Variants in DMD observed in about 807,000 individuals in gnomAD.
The protein encoded by DMD is mutant dystrophin.
A neutral mutation model predicts 330.1 loss-of-function variants in DMD; 63 were observed. The ratio of observed to expected loss-of-function variants is 0.19; its 90% CI spans 0.16 to 0.24. DMD has a LOEUF of 0.24. Ranked by LOEUF, DMD falls within the 10% of genes least tolerant of loss-of-function variation. DMD has a pLI of 1.00. For missense variants in DMD, 3,344 were observed against 2,684.1 expected (o/e 1.25, Z -5.43); for synonymous variants, 1,223 against 959.8 (o/e 1.27, Z -5.07).
At chrX:31,218,221 C>CT (rs138180556) in intron 64 of DMD, among the ~76,000 whole-genome samples, 29,627 of 97,517 alleles carry the variant, frequency 0.3, 3,832 homozygotes, top group Non-Finnish European at 0.39. Flanking sequence ...TTCTGGGTTT[C>CT]TTTTTTTTTT....
At chrX:32,662,750 A>G (rs758327022) in intron 9 of DMD, among the ~76,000 whole-genome samples, 2 of 111,946 alleles carry the variant, frequency 1.8e-5, no homozygotes, top group East Asian at 5.6e-4. Flanking sequence ...GTTAAGGCAA[A>G]GGATGGAAAG....
intron 47 of DMD, among the ~76,000 whole-genome samples, chrX:31,881,711 G>C (rs1237405594): frequency 8.9e-6 from 1 of 112,271 alleles, no homozygotes; most frequent in African/African-American, 3.2e-5. Flanking sequence ...ATGCAGTACA[G>C]GTTTGTAGCC....
chrX:31,189,424 A>G (rs1397323304), intron 67 of DMD, among the ~76,000 whole-genome samples: 1 of 111,476 alleles, frequency 9.0e-6, no homozygotes, highest in Non-Finnish European at 1.9e-5. Context: ...GCATATCCGC[A>G]GGTTTCACAT....
chrX:32,423,453 T>A (rs1645862555), intron 29 of DMD, among the ~76,000 whole-genome samples: 1 of 110,497 alleles, frequency 9.1e-6, no homozygotes, highest in Admixed American at 9.7e-5. Flanking sequence ...TACATGATTA[T>A]ATGTATACAT....
intron 51 of DMD, among the ~76,000 whole-genome samples, chrX:31,738,601 T>C (rs2087050665): frequency 8.9e-6 from 1 of 111,954 alleles, no homozygotes; most frequent in East Asian, 2.8e-4. Flanking sequence ...AATAAATCAG[T>C]ATATTGAAGA....
chrX:32,580,670 T>C (rs1277963625), intron 13 of DMD, among the ~76,000 whole-genome samples: 1 of 112,058 alleles, frequency 8.9e-6, no homozygotes, highest in African/African-American at 3.2e-5. Flanking sequence ...CATGATAGAA[T>C]TTTAATATAG....
chrX:32,389,955 A>G, intron 31 of DMD, 116 bp downstream of exon 31: 2 of 617,461 alleles, frequency 3.2e-6, no homozygotes, highest in Non-Finnish European at 5.3e-6. Context: ...ACATCAAATT[A>G]TAGTTTTCAA....
chrX:32,469,864 A>G (rs951831364), intron 22 of DMD, among the ~76,000 whole-genome samples: 2 of 110,865 alleles, frequency 1.8e-5, no homozygotes, highest in African/African-American at 6.5e-5. Context: ...CCATCCCTCA[A>G]TCAATCAATA....
At chrX:31,520,640 G>C (rs1190806069) in intron 55 of DMD, among the ~76,000 whole-genome samples, 4 of 111,498 alleles carry the variant, frequency 3.6e-5, no homozygotes, top group African/African-American at 1.3e-4. Context: ...AGCAGGTCCA[G>C]GGTATTTTTT....
At position 31,880,771 on chromosome X, in the gene DMD, G is replaced by A. The variant is rs761509173; in HGVS notation, c.6913-5398C>T. 5.3e-5 allele frequency among the ~76,000 whole-genome samples: 6 copies of A among 112,432 alleles called. No homozygotes were observed. The South Asian group carries it at 2.2e-3, about 41-fold the overall frequency. On this transcript the variant is annotated intron_variant, in intron 47 of 78. Coordinates refer to ENST00000357033, the MANE Select transcript of DMD (RefSeq NM_004006.3). ...GAATTACTCTCACGTTTGTGGTGAT[G>A]CTGGTGTAAGCAAACCTACTGCACT...
At chrX:33,098,317 C>A (rs930200079) in intron 1 of DMD, among the ~76,000 whole-genome samples, 25 of 111,838 alleles carry the variant, frequency 2.2e-4, no homozygotes, top group African/African-American at 7.8e-4. Context: ...TTGTTCTCTG[C>A]GCTGTATATA....
chrX:33,135,925 C>G (rs1167557406), intron 1 of DMD, among the ~76,000 whole-genome samples: 1 of 112,207 alleles, frequency 8.9e-6, no homozygotes, highest in Non-Finnish European at 1.9e-5. Flanking sequence ...ACAGGTAACA[C>G]TGGTTATTCC....
chrX:32,377,071 C>G (rs1168558943), intron 34 of DMD, among the ~76,000 whole-genome samples: 1 of 111,386 alleles, frequency 9.0e-6, no homozygotes, highest in Non-Finnish European at 1.9e-5. Flanking sequence ...TTCTGATTCT[C>G]CAATTGGAGC....
intron 7 of DMD, among the ~76,000 whole-genome samples, chrX:32,769,319 C>G (rs1388690759): frequency 1.8e-5 from 2 of 111,388 alleles, no homozygotes; most frequent in African/African-American, 6.5e-5. Context: ...GAGTCTCCCC[C>G]TTATGAAGCC....
At chrX:32,715,469 CAAAAAAAAAAAA>C (rs61325834) in intron 7 of DMD, among the ~76,000 whole-genome samples, 19 of 17,224 alleles carry the variant, frequency 1.1e-3, no homozygotes, top group Admixed American at 4.8e-3. Context: ...GAGATTCCAT[CAAAAAAAAAAAA>C]AAAAAAAAAA....
intron 11 of DMD, among the ~76,000 whole-genome samples, chrX:32,635,263 C>T (rs1206095249): frequency 9.0e-6 from 1 of 111,479 alleles, no homozygotes; most frequent in Non-Finnish European, 1.9e-5. Flanking sequence ...CTTTACTACC[C>T]TCTTCTGTGC....
chrX:32,823,243 A>T (rs1283957788), intron 5 of DMD, 52 bp downstream of exon 5: 2 of 1,046,070 alleles, frequency 1.9e-6, no homozygotes, highest in African/African-American at 3.7e-5. Flanking sequence ...GGTAAAAATT[A>T]AAAAACAAGA....
chrX:32,228,229 AT>A, intron 43 of DMD, among the ~76,000 whole-genome samples: 1 of 111,356 alleles, frequency 9.0e-6, no homozygotes, highest in East Asian at 2.8e-4. Context: ...TGATATTACT[AT>A]TGTCTAGAAC....
At chrX:32,979,081 G>A (rs912144638) in intron 2 of DMD, among the ~76,000 whole-genome samples, 15 of 111,984 alleles carry the variant, frequency 1.3e-4, no homozygotes, top group Admixed American at 1.3e-3. Flanking sequence ...TCTTAATTTT[G>A]TACAAAACCA....
Sources: allele counts gnomAD v4.1 joint callset (sites outside exome capture counted in the v4.1 genomes callset), GRCh38; gene constraint gnomAD v4.1.1; transcripts MANE v1.5; gene names NCBI Gene and HGNC (gene_info 2026-07-23, HGNC 2026-07-21).